NTHL1: variants seen among roughly 807,000 people sequenced by gnomAD.
The protein encoded by NTHL1 is nth like DNA glycosylase 1.
NTHL1 carries 32 observed loss-of-function variants against 32.3 expected under a neutral mutation model. The observed-to-expected ratio is 0.99, with a 90% CI of 0.75 to 1.33. The LOEUF is 1.33. NTHL1 is among the 40% of genes most tolerant of loss of function. The pLI is 0.00. For missense variants in NTHL1, 501 were observed against 414.1 expected (o/e 1.21, Z -1.82); for synonymous variants, 188 against 176.9 (o/e 1.06, Z -0.50).
chr16:2,043,452 T>A lies in NTHL1; in HGVS notation c.685+115A>T, dbSNP rs2084296406. On this transcript the variant is annotated intron_variant, in intron 4 of 5. Transcript: ENST00000651570. This position sits in a 1 kb window ranked among gnomAD's most constrained non-coding sequence, Gnocchi z 4.4. Reference sequence around the variant, plus strand: ...TCCACCCTGGGAGCACCTTTCTGACTCTATGGGCTGGGTGGAGGACCAGCA... The same window carrying A: ...TCCACCCTGGGAGCACCTTTCTGACACTATGGGCTGGGTGGAGGACCAGCA... The A allele has an allele frequency of 1.4e-6, 2 of 1,454,812 alleles. No homozygotes were observed. Among genetic ancestry groups the A allele is most frequent in the Non-Finnish European group, 1.9e-6 (2 of 1,069,314 alleles). 90.1% of individuals were successfully genotyped at this position (1,454,812 alleles called of 1,614,324 possible). A position where few individuals can be genotyped will look rare whatever the true frequency, so the allele number is the denominator to read the frequency against.
chr16:2,044,879 A>G lies in NTHL1; in HGVS notation c.355-79T>C, dbSNP rs2084322180. On this transcript the variant is annotated intron_variant, in intron 2 of 5. Transcript: ENST00000651570. The surrounding 1 kb of genome is among the most constrained non-coding windows in gnomAD (Gnocchi z 5.0). ...GGCCAGGCTCCGCCCCCCGCCCTCGACACACCCTGGTTTGTTGCCCTGGGC... is the reference window on the plus strand; with the variant it reads ...GGCCAGGCTCCGCCCCCCGCCCTCGGCACACCCTGGTTTGTTGCCCTGGGC... The G allele has an allele frequency of 9.6e-6, 14 of 1,465,166 alleles. No homozygotes were observed. The highest frequency in any genetic ancestry group is 1.3e-5 in the Non-Finnish European group (14 of 1,094,462). The allele number at this position is 1,465,166 out of a possible 1,614,324, so 90.8% of individuals were successfully genotyped here.
chr16:2,043,844 CA>C lies in NTHL1; in HGVS notation c.526-119del. 1 of 1,225,638 alleles carries C rather than the reference CA, an allele frequency of 8.2e-7. No individual in the cohort carries two copies. Among genetic ancestry groups the C allele is most frequent in the Non-Finnish European group, 1.2e-6 (1 of 860,354 alleles). 75.9% of individuals were successfully genotyped at this position (1,225,638 alleles called of 1,614,324 possible). ...TACCTGCACCTGCTGAGGACGTGTG[CA>C]AGCTCAGCCCCCGCCCCCCAGGAGG... On this transcript the variant is annotated intron_variant, in intron 3 of 5. Transcript: ENST00000651570. This position sits in a 1 kb window ranked among gnomAD's most constrained non-coding sequence, Gnocchi z 4.4.
At chr16:2,041,867 C>T in intron 4 of NTHL1, 1 of 353,560 alleles carries the variant, frequency 2.8e-6, no homozygotes, top group Non-Finnish European at 5.6e-6. Flanking sequence ...CTCGGCCTCC[C>T]AAAGTGCTGG....
rs1000035334 is a variant in NTHL1 at position 2,042,100 on chromosome 16, G to A, written c.685+1467C>T. Reference sequence around the variant, plus strand: ...GCGTTTCTCTTTCGGGGAACCCCTAGGAGGCAGCCCTGGGGTCTCCTTGCA... The same window carrying A: ...GCGTTTCTCTTTCGGGGAACCCCTAAGAGGCAGCCCTGGGGTCTCCTTGCA... On this transcript the variant is annotated intron_variant, in intron 4 of 5. Transcript: ENST00000651570. The A allele has an allele frequency of 8.8e-6, 4 of 455,910 alleles. 1 individual carries two copies. Among genetic ancestry groups the A allele is most frequent in the Non-Finnish European group, 4.4e-6 (1 of 226,676 alleles). The allele number at this position is 455,910 out of a possible 1,614,324, so 28.2% of individuals were successfully genotyped here.
intron 2 of NTHL1, among the ~76,000 whole-genome samples, chr16:2,045,063 G>A (rs920340162): frequency 4.0e-4 from 61 of 152,332 alleles, no homozygotes; most frequent in African/African-American, 1.4e-3. Flanking sequence ...GTGGCCGGGC[G>A]TGGTGGCTCG....
intron 4 of NTHL1, among the ~76,000 whole-genome samples, chr16:2,042,963 T>C (rs865910795): frequency 1.4e-3 from 50 of 35,930 alleles, no homozygotes; most frequent in African/African-American, 4.3e-3. Flanking sequence ...ACCCTCCCCC[T>C]TTCTCCCCCC....
In NTHL1 at chr16:2,043,489, G is replaced by C. The variant is rs2084296770; in HGVS notation, c.685+78C>G. The C allele has an allele frequency of 2.4e-5, 38 of 1,575,626 alleles. No homozygotes were observed. The highest frequency in any genetic ancestry group is 3.1e-5 in the Non-Finnish European group (36 of 1,162,232). On this transcript the variant is annotated intron_variant, in intron 4 of 5. Transcript: ENST00000651570. This position sits in a 1 kb window ranked among gnomAD's most constrained non-coding sequence, Gnocchi z 4.4. ...GTGGAGGACCAGCATGCTGGAAGTG[G>C]AGTCACAGGTCACAAGGATGTGGGG...
Position 2,047,793 on chromosome 16 carries a change from G to A in NTHL1, c.31C>T (p.Arg11Trp), listed in dbSNP as rs549760347. Residue 11 changes from arginine to tryptophan, a missense_variant, in exon 1 of 6, where the codon CGG becomes TGG. Coordinates refer to ENST00000651570, the MANE Select transcript of NTHL1 (RefSeq NM_002528.7). ...GCCCCGGGTCCCAGGCTCCGGCTCCGGGTCAGCATCCTCGCGCTCAAGGCG... is the reference window on the plus strand; with the variant it reads ...GCCCCGGGTCCCAGGCTCCGGCTCCAGGTCAGCATCCTCGCGCTCAAGGCG... MTALSARMLTRSRSLGPGAGP... is the reference protein window; with the variant it reads MTALSARMLTWSRSLGPGAGP... 84 of 1,591,356 alleles carry A rather than the reference G, an allele frequency of 5.3e-5. No individual in the cohort carries two copies. The highest frequency in any genetic ancestry group is 1.5e-4 in the African/African-American group (11 of 74,734).
At chr16:2,041,379 G>A (rs1490924948) in intron 4 of NTHL1, among the ~76,000 whole-genome samples, 1 of 152,132 alleles carries the variant, frequency 6.6e-6, no homozygotes, top group East Asian at 1.9e-4. Context: ...CAAGGGCCTG[G>A]CCCAGAGTCA....
At position 2,043,768 on chromosome 16, in the gene NTHL1, A is replaced by G. The variant is rs1248245613; in HGVS notation, c.526-42T>C. 2 of 1,607,066 alleles carry G rather than the reference A, an allele frequency of 1.2e-6. No individual in the cohort carries two copies. The highest frequency in any genetic ancestry group is 1.7e-5 in the Admixed American group (1 of 59,950). ...GGTTCAGCCTTGGAGGCAAGGGCACAGCCCAACCTGGGAGGATGCAGCCCC... is the reference window on the plus strand; with the variant it reads ...GGTTCAGCCTTGGAGGCAAGGGCACGGCCCAACCTGGGAGGATGCAGCCCC... On this transcript the variant is annotated intron_variant, in intron 3 of 5. Coordinates refer to ENST00000651570, the MANE Select transcript of NTHL1 (RefSeq NM_002528.7). The surrounding 1 kb of genome is among the most constrained non-coding windows in gnomAD (Gnocchi z 4.4).
In NTHL1 at chr16:2,039,981, G is replaced by C; in HGVS notation, c.858C>G (p.His286Gln). Residue 286 changes from histidine to glutamine, a missense_variant, in exon 6 of 6, where the codon CAC (histidine) becomes CAG (glutamine). Coordinates refer to ENST00000651570, the MANE Select transcript of NTHL1 (RefSeq NM_002528.7). ...GGTTGAGGCAGGCGTGGCAGCGAGG[G>C]TGCACAGGCAGACAGGTCTGCTGGC... The part of the protein sequence containing the change: ...GFGQQTCLPV[H>Q]PRCHACLNQA... 6.2e-7 allele frequency: 1 copy of C among 1,609,882 alleles called. No individual in the cohort carries two copies. The highest frequency in any genetic ancestry group is 1.1e-5 in the South Asian group (1 of 91,084).
In NTHL1 at chr16:2,047,795, G is replaced by C. The variant is rs370539291; in HGVS notation, c.29C>G (p.Thr10Ser). 68 of 1,591,802 alleles carry C rather than the reference G, an allele frequency of 4.3e-5. No individual in the cohort carries two copies. The East Asian group carries it at 7.2e-4, about 17-fold the overall frequency. ...CCCGGGTCCCAGGCTCCGGCTCCGG[G>C]TCAGCATCCTCGCGCTCAAGGCGGT... Reference protein sequence around the residue: MTALSARMLTRSRSLGPGAG... With the variant: MTALSARMLSRSRSLGPGAG... Residue 10 changes from threonine to serine, a missense_variant, in exon 1 of 6, where the codon ACC (threonine) becomes AGC (serine). Thr to Ser is a moderately conservative substitution (Grantham distance 58). Transcript: ENST00000651570.
rs745657333 is a variant in NTHL1 at position 2,044,852 on chromosome 16, C to G, written c.355-52G>C. The G allele has an allele frequency of 6.6e-7, 1 of 1,522,012 alleles. No individual in the cohort carries two copies. Among genetic ancestry groups the G allele is most frequent in the Non-Finnish European group, 8.9e-7 (1 of 1,128,836 alleles). The allele number at this position is 1,522,012 out of a possible 1,614,324, so 94.3% of individuals were successfully genotyped here. ...GTGGCGGCGGGTCCTGGGTGATTCCCTGGCCAGGCTCCGCCCCCCGCCCTC... is the reference window on the plus strand; with the variant it reads ...GTGGCGGCGGGTCCTGGGTGATTCCGTGGCCAGGCTCCGCCCCCCGCCCTC... On this transcript the variant is annotated intron_variant, in intron 2 of 5. Transcript: ENST00000651570. This position sits in a 1 kb window ranked among gnomAD's most constrained non-coding sequence, Gnocchi z 5.0.
chr16:2,040,480 C>T, intron 4 of NTHL1: 2 of 594,708 alleles, frequency 3.4e-6, no homozygotes, highest in East Asian at 2.9e-5. Context: ...GCCTGGGGGG[C>T]TCTGTTCTGG....
At position 2,043,737 on chromosome 16, in the gene NTHL1, G is replaced by A. The variant is rs947582986; in HGVS notation, c.526-11C>T. 8.7e-6 allele frequency: 14 copies of A among 1,610,482 alleles called. No homozygotes were observed. The highest frequency in any genetic ancestry group is 1.3e-5 in the African/African-American group (1 of 74,926). On this transcript the variant is annotated splice_polypyrimidine_tract_variant and intron_variant, in intron 3 of 5. Coordinates refer to ENST00000651570, the MANE Select transcript of NTHL1 (RefSeq NM_002528.7). This position sits in a 1 kb window ranked among gnomAD's most constrained non-coding sequence, Gnocchi z 4.4. ...GTATTTCACCTTGCTCTGAAAGACA[G>A]GGGTGGGTTCAGCCTTGGAGGCAAG...
chr16:2,045,872 T>G (rs940564919), intron 2 of NTHL1, among the ~76,000 whole-genome samples: 1 of 152,188 alleles, frequency 6.6e-6, no homozygotes, highest in Non-Finnish European at 1.5e-5. Flanking sequence ...CAAAAGGAAC[T>G]CTTCCTTCCT....
intron 4 of NTHL1, among the ~76,000 whole-genome samples, chr16:2,042,822 T>C: frequency 2.3e-5 from 1 of 44,240 alleles, no homozygotes. Flanking sequence ...CCTCCCCTCT[T>C]CTCCCCGCAG....
At position 2,044,057 on chromosome 16, in the gene NTHL1, T is replaced by A; in HGVS notation, c.526-331A>T. 1 of 407,238 alleles carries A rather than the reference T, an allele frequency of 2.5e-6. No individual in the cohort carries two copies. The highest frequency in any genetic ancestry group is 5.0e-5 in the East Asian group (1 of 19,878). 25.2% of individuals were successfully genotyped at this position (407,238 alleles called of 1,614,324 possible). A position where few individuals can be genotyped will look rare whatever the true frequency, so the allele number is the denominator to read the frequency against. On this transcript the variant is annotated intron_variant, in intron 3 of 5. Coordinates refer to ENST00000651570, the MANE Select transcript of NTHL1 (RefSeq NM_002528.7). This position sits in a 1 kb window ranked among gnomAD's most constrained non-coding sequence, Gnocchi z 5.0. ...AGTGGGGCTTGGCTGCACCTGCGCC[T>A]TCAGGAAGGAGGGCTGGAGCTGGGG...
chr16:2,044,057 T>G lies in NTHL1; in HGVS notation c.526-331A>C. The G allele has an allele frequency of 2.5e-6, 1 of 407,238 alleles. No individual in the cohort carries two copies. The allele number at this position is 407,238 out of a possible 1,614,324, so 25.2% of individuals were successfully genotyped here. A position where few individuals can be genotyped will look rare whatever the true frequency, so the allele number is the denominator to read the frequency against. On this transcript the variant is annotated intron_variant, in intron 3 of 5. Coordinates refer to ENST00000651570, the MANE Select transcript of NTHL1 (RefSeq NM_002528.7). This position sits in a 1 kb window ranked among gnomAD's most constrained non-coding sequence, Gnocchi z 5.0. Reference sequence around the variant, plus strand: ...AGTGGGGCTTGGCTGCACCTGCGCCTTCAGGAAGGAGGGCTGGAGCTGGGG... The same window carrying G: ...AGTGGGGCTTGGCTGCACCTGCGCCGTCAGGAAGGAGGGCTGGAGCTGGGG...
Sources: allele counts gnomAD v4.1 joint callset (sites outside exome capture counted in the v4.1 genomes callset), GRCh38; gene constraint gnomAD v4.1.1; non-coding constraint Gnocchi (gnomAD v3.1); transcripts MANE v1.5; gene names NCBI Gene and HGNC (gene_info 2026-07-23, HGNC 2026-07-21).